The following EVI5 variants were observed in gnomAD, a reference collection of about 807,000 sequenced individuals.
The protein encoded by EVI5 is ecotropic viral integration site 5 protein homolog.
EVI5 carries 73 observed loss-of-function variants against 112.0 expected under a neutral mutation model. That is an observed-to-expected ratio of 0.65 (90% CI 0.54 to 0.79). The LOEUF (loss-of-function observed/expected upper bound fraction) is 0.79, where lower values mean the gene tolerates loss of function less well. Ranked by LOEUF, EVI5 falls within the 30% of genes least tolerant of loss-of-function variation. The probability of loss-of-function intolerance (pLI) is 0.00; values close to 1 mark genes in which losing one functional copy is unlikely to be tolerated. For synonymous variants in EVI5, 305 were observed against 319.9 expected, an observed-to-expected ratio of 0.95 and a Z score of 0.50; for missense variants, 900 against 968.8, an observed-to-expected ratio of 0.93 and a Z score of 0.94.
At chr1:92,675,439 T>A (rs953416891) in intron 10 of EVI5, among the ~76,000 whole-genome samples, 1 of 152,180 alleles carries the variant, frequency 6.6e-6, no homozygotes, top group Non-Finnish European at 1.5e-5. Context: ...TGTACTTAAT[T>A]TTATAAGAAA....
At chr1:92,530,753 G>T (rs534495382) in intron 19 of EVI5, among the ~76,000 whole-genome samples, 1 of 151,948 alleles carries the variant, frequency 6.6e-6, no homozygotes, top group South Asian at 2.1e-4. Context: ...CAACAAAAAG[G>T]ACATCCACTC....
chr1:92,765,101 T>G (rs1010348731), intron 1 of EVI5, among the ~76,000 whole-genome samples: 1 of 152,206 alleles, frequency 6.6e-6, no homozygotes, highest in African/African-American at 2.4e-5. Context: ...TAGGTAATTT[T>G]GGTAATATAC....
At chr1:92,766,555 G>GA (rs1387451706) in intron 1 of EVI5, among the ~76,000 whole-genome samples, 1 of 152,026 alleles carries the variant, frequency 6.6e-6, no homozygotes, top group African/African-American at 2.4e-5. Flanking sequence ...CCACTGTTTT[G>GA]AAAAATCCTA....
At chr1:92,689,162 T>C (rs1210935584) in intron 9 of EVI5, among the ~76,000 whole-genome samples, 1 of 152,190 alleles carries the variant, frequency 6.6e-6, no homozygotes, top group Non-Finnish European at 1.5e-5. Flanking sequence ...CTGGCCACAA[T>C]GAGAACACAT....
chr1:92,629,612 T>C (rs780918166), intron 14 of EVI5, among the ~76,000 whole-genome samples: 4 of 152,224 alleles, frequency 2.6e-5, no homozygotes, highest in South Asian at 4.1e-4. Context: ...AGGTAACTTG[T>C]TCTAGATTGG....
At chr1:92,750,936 G>A (rs562389947) in intron 1 of EVI5, among the ~76,000 whole-genome samples, 4 of 152,272 alleles carry the variant, frequency 2.6e-5, no homozygotes, top group Admixed American at 6.5e-5. Flanking sequence ...GGATCATGAG[G>A]TCAGGAGATC....
chr1:92,740,229 T>G (rs1465854937), intron 1 of EVI5, among the ~76,000 whole-genome samples: 1 of 152,204 alleles, frequency 6.6e-6, no homozygotes, highest in Non-Finnish European at 1.5e-5. Flanking sequence ...TATTATCATT[T>G]TACAATCTTC....
At chr1:92,735,615 A>ATGTATATACAT in intron 2 of EVI5, among the ~76,000 whole-genome samples, 1 of 145,930 alleles carries the variant, frequency 6.9e-6, no homozygotes, top group African/African-American at 2.5e-5. Context: ...TATTATATAT[A>ATGTATATACAT]ATTATATGAT....
chr1:92,550,842 T>A (rs1186106864), intron 19 of EVI5, among the ~76,000 whole-genome samples: 1 of 120,060 alleles, frequency 8.3e-6, no homozygotes, highest in Non-Finnish European at 1.7e-5. Context: ...TATATTCAAT[T>A]AACTTAAAAT....
At chr1:92,648,317 G>A (rs1220267019) in intron 13 of EVI5, among the ~76,000 whole-genome samples, 2 of 149,908 alleles carry the variant, frequency 1.3e-5, no homozygotes, top group African/African-American at 4.9e-5. Flanking sequence ...AGCTTGCAAT[G>A]AGCAGAGATC....
rs1008631685 is a variant in EVI5 at position 92,510,160 on chromosome 1, C to T, written c.*3496G>A. 1 of 152,138 alleles carries T rather than the reference C, an allele frequency of 6.6e-6. No homozygotes were observed. Among genetic ancestry groups the T allele is most frequent in the African/African-American group, 2.4e-5 (1 of 41,438 alleles). The allele number at this position is 152,138 out of a possible 1,614,324, so 9.4% of individuals were successfully genotyped here. A position where few individuals can be genotyped will look rare whatever the true frequency, so the allele number is the denominator to read the frequency against. ...GTTTCAACGGATTAAGGTTTCCTTA[C>T]CATGATTCTTTTAACACCTAATTCC... On this transcript the variant is annotated 3_prime_UTR_variant, in exon 20 of 20. Coordinates refer to ENST00000684568, the MANE Select transcript of EVI5 (RefSeq NM_001350197.2).
intron 9 of EVI5, among the ~76,000 whole-genome samples, chr1:92,686,246 C>T (rs571812409): frequency 1.1e-4 from 16 of 152,256 alleles, no homozygotes; most frequent in South Asian, 6.2e-4. Context: ...CTTCAACATA[C>T]GAAAATCAAT....
At chr1:92,672,688 A>G (rs1666070816) in intron 10 of EVI5, among the ~76,000 whole-genome samples, 1 of 152,232 alleles carries the variant, frequency 6.6e-6, no homozygotes, top group African/African-American at 2.4e-5. Context: ...AAGTGCCTAG[A>G]ACAGTGCTTG....
chr1:92,632,126 T>C (rs553887821), intron 14 of EVI5, among the ~76,000 whole-genome samples: 12 of 152,348 alleles, frequency 7.9e-5, no homozygotes, highest in East Asian at 7.7e-4. Context: ...ATCAGGGATA[T>C]TGGTCTAAAA....
At chr1:92,661,456 A>T (rs1663992270) in intron 13 of EVI5, among the ~76,000 whole-genome samples, 1 of 152,174 alleles carries the variant, frequency 6.6e-6, no homozygotes, top group Non-Finnish European at 1.5e-5. Context: ...ATTCTAATGT[A>T]TTATGACTGT....
In EVI5 at chr1:92,660,376, A is replaced by T. The variant is rs147748930; in HGVS notation, c.1392+2343T>A. Among the ~76,000 whole-genome samples, 1,074 of 152,122 alleles carry T rather than the reference A, an allele frequency of 7.1e-3. 9 individuals carry two copies. Among genetic ancestry groups the T allele is most frequent in the South Asian group, 0.013 (63 of 4,828 alleles). ...TCATATGTGGAATCTAAAAAAGTTG[A>T]TCTCATAGAAACTGAGAATACAATA... On this transcript the variant is annotated intron_variant, in intron 13 of 19. Transcript: ENST00000684568.
intron 1 of EVI5, among the ~76,000 whole-genome samples, chr1:92,781,242 C>T (rs1242957782): frequency 1.3e-5 from 2 of 152,084 alleles, no homozygotes; most frequent in Non-Finnish European, 2.9e-5. Flanking sequence ...TACAGTGGCT[C>T]ACACCTGTAA....
chr1:92,737,129 G>C (rs1458948303), intron 1 of EVI5, among the ~76,000 whole-genome samples: 2 of 152,116 alleles, frequency 1.3e-5, no homozygotes, highest in Non-Finnish European at 2.9e-5. Flanking sequence ...GGTGTATTTA[G>C]CATAAATAAA....
intron 13 of EVI5, among the ~76,000 whole-genome samples, chr1:92,639,367 A>C (rs980019842): frequency 1.3e-5 from 2 of 152,070 alleles, no homozygotes; most frequent in African/African-American, 4.8e-5. Context: ...GTAAAAAGTA[A>C]ATATTTGTAT....
Sources: allele counts gnomAD v4.1 joint callset (sites outside exome capture counted in the v4.1 genomes callset), GRCh38; gene constraint gnomAD v4.1.1; transcripts MANE v1.5; gene names NCBI Gene and HGNC (gene_info 2026-07-23, HGNC 2026-07-21).